CADM2: variants seen among roughly 807,000 people sequenced by gnomAD.
CADM2 encodes the protein cell adhesion molecule 2.
A neutral mutation model predicts 49.8 loss-of-function variants in CADM2; 12 were observed. That is an observed-to-expected ratio of 0.24 (90% CI 0.15 to 0.39). The LOEUF (loss-of-function observed/expected upper bound fraction) is 0.39. Ranked by LOEUF, CADM2 falls within the 10% of genes least tolerant of loss-of-function variation. The pLI is 1.00. For missense variants in CADM2, 378 were observed against 492.3 expected (o/e 0.77, Z 2.20); for synonymous variants, 214 against 175.4 (o/e 1.22, Z -1.74).
chr3:85,647,795 A>T (rs1211478531), intron 1 of CADM2, among the ~76,000 whole-genome samples: 1 of 151,824 alleles, frequency 6.6e-6, no homozygotes, highest in African/African-American at 2.4e-5. Context: ...AAAACCACGT[A>T]GATATCCATT....
chr3:85,727,867 TAGAA>T (rs892389772), intron 2 of CADM2, among the ~76,000 whole-genome samples: 1 of 152,066 alleles, frequency 6.6e-6, no homozygotes, highest in African/African-American at 2.4e-5. Context: ...AAAAAATAAT[TAGAA>T]AGGCTAACTA....
At chr3:85,095,169 G>T (rs147756620) in intron 1 of CADM2, among the ~76,000 whole-genome samples, 21 of 152,276 alleles carry the variant, frequency 1.4e-4, no homozygotes, top group African/African-American at 4.8e-4. Context: ...TAAATGGAAA[G>T]ACTGGAGAGA....
chr3:85,518,468 T>C (rs912600745), intron 1 of CADM2, among the ~76,000 whole-genome samples: 1 of 152,110 alleles, frequency 6.6e-6, no homozygotes, highest in Non-Finnish European at 1.5e-5. Flanking sequence ...TCTACATTTG[T>C]ATTTGTTACA....
chr3:86,041,214 C>G (rs1235534707), intron 8 of CADM2, among the ~76,000 whole-genome samples: 1 of 152,132 alleles, frequency 6.6e-6, no homozygotes, highest in South Asian at 2.1e-4. Context: ...ATGACAGGAT[C>G]AAATTCACAC....
chr3:85,396,906 T>A (rs2034820144), intron 1 of CADM2, among the ~76,000 whole-genome samples: 1 of 152,050 alleles, frequency 6.6e-6, no homozygotes, highest in Non-Finnish European at 1.5e-5. Flanking sequence ...ATTAGATAAA[T>A]TGGTCTTCAT....
Position 85,793,578 on chromosome 3 carries a change from C to A in CADM2, c.89-8469C>A, listed in dbSNP as rs1006608064. ...TTTGCCAACTTCCCTAGTTAAAATA[C>A]ACCCTCTGTGGTCAGTTTCAAGCTG... On this transcript the variant is annotated intron_variant, in intron 2 of 9. Transcript: ENST00000383699. Among the ~76,000 whole-genome samples the A allele has an allele frequency of 2.0e-5, 3 of 152,170 alleles. No homozygotes were observed. In the East Asian group the frequency reaches 5.8e-4, roughly 29 times the overall value.
intron 1 of CADM2, among the ~76,000 whole-genome samples, chr3:85,066,299 C>T (rs1477813038): frequency 1.3e-5 from 2 of 151,642 alleles, no homozygotes; most frequent in African/African-American, 4.8e-5. Context: ...AGCAGTTGTT[C>T]CCAAATCTGG....
intron 5 of CADM2, among the ~76,000 whole-genome samples, chr3:85,893,799 A>G (rs1191358607): frequency 1.3e-5 from 2 of 152,172 alleles, no homozygotes; most frequent in Non-Finnish European, 2.9e-5. Context: ...ACAATGAGAT[A>G]CCATCTCACA....
chr3:85,885,395 A>C (rs2108397990), intron 4 of CADM2, among the ~76,000 whole-genome samples: 1 of 151,792 alleles, frequency 6.6e-6, no homozygotes, highest in East Asian at 2.0e-4. Context: ...AAATTAGGCC[A>C]GGCACGGTGG....
intron 3 of CADM2, among the ~76,000 whole-genome samples, chr3:85,862,399 C>A (rs943251561): frequency 8.6e-5 from 13 of 151,990 alleles, no homozygotes; most frequent in South Asian, 4.1e-4. Flanking sequence ...TTTTCATAGA[C>A]CATTGAAATG....
At chr3:85,853,277 C>A (rs1331452847) in intron 3 of CADM2, among the ~76,000 whole-genome samples, 2 of 151,348 alleles carry the variant, frequency 1.3e-5, no homozygotes, top group African/African-American at 4.9e-5. Context: ...GCATTAGAAA[C>A]CAAGGGGTGG....
At chr3:85,789,445 G>T (rs563336746) in intron 2 of CADM2, among the ~76,000 whole-genome samples, 1 of 152,118 alleles carries the variant, frequency 6.6e-6, no homozygotes, top group African/African-American at 2.4e-5. Context: ...TAAAATCACA[G>T]AAATCATTTT....
chr3:85,356,286 T>C (rs2031850698), intron 1 of CADM2, among the ~76,000 whole-genome samples: 1 of 151,964 alleles, frequency 6.6e-6, no homozygotes, highest in Non-Finnish European at 1.5e-5. Context: ...TGAGGAATGA[T>C]TGGGAGTTAA....
chr3:85,738,255 G>C (rs928101009), intron 2 of CADM2, among the ~76,000 whole-genome samples: 3 of 152,172 alleles, frequency 2.0e-5, no homozygotes, highest in African/African-American at 7.2e-5. Context: ...ATTAGACACA[G>C]CTTCCCCTAG....
At chr3:84,961,350 G>C (rs1286653996) in intron 1 of CADM2, among the ~76,000 whole-genome samples, 1 of 152,208 alleles carries the variant, frequency 6.6e-6, no homozygotes, top group Non-Finnish European at 1.5e-5. Flanking sequence ...GAGATCTTGT[G>C]TAGAAAATTT....
At chr3:85,087,537 A>G (rs548349126) in intron 1 of CADM2, among the ~76,000 whole-genome samples, 13 of 152,274 alleles carry the variant, frequency 8.5e-5, no homozygotes, top group African/African-American at 2.6e-4. Context: ...GCCCACATTC[A>G]GTTTATTTCG....
intron 1 of CADM2, among the ~76,000 whole-genome samples, chr3:85,579,690 A>G (rs2062738939): frequency 6.6e-6 from 1 of 152,304 alleles, no homozygotes; most frequent in Non-Finnish European, 1.5e-5. Context: ...AGTAAGTGCC[A>G]GTGACCTAAT....
chr3:85,566,986 C>G (rs2062281982), intron 1 of CADM2, among the ~76,000 whole-genome samples: 1 of 152,106 alleles, frequency 6.6e-6, no homozygotes, highest in African/African-American at 2.4e-5. Context: ...AAGCTTATAA[C>G]CAATTAAGCT....
chr3:85,203,445 G>A (rs557808941), intron 1 of CADM2, among the ~76,000 whole-genome samples: 1 of 152,204 alleles, frequency 6.6e-6, no homozygotes, highest in African/African-American at 2.4e-5. Context: ...AACACACACA[G>A]CATTTATTGA....
Sources: allele counts gnomAD v4.1 joint callset (sites outside exome capture counted in the v4.1 genomes callset), GRCh38; gene constraint gnomAD v4.1.1; transcripts MANE v1.5; gene names NCBI Gene and HGNC (gene_info 2026-07-23, HGNC 2026-07-21).